The following ROBO1 variants were observed in gnomAD, a reference collection of about 807,000 sequenced individuals.
The protein encoded by ROBO1 is roundabout homolog 1.
A neutral mutation model predicts 195.9 loss-of-function variants in ROBO1; 149 were observed. The observed-to-expected ratio is 0.76, with a 90% CI of 0.67 to 0.87. The LOEUF is 0.87. ROBO1 is among the 40% of genes least tolerant of loss of function. The pLI is 0.00. For missense variants in ROBO1, 1,933 were observed against 2,068.3 expected (o/e 0.93, Z 1.27); for synonymous variants, 816 against 733.2 (o/e 1.11, Z -1.82).
At chr3:79,703,023 A>G (rs1947663581) in intron 1 of ROBO1, among the ~76,000 whole-genome samples, 1 of 151,914 alleles carries the variant, frequency 6.6e-6, no homozygotes, top group Non-Finnish European at 1.5e-5. Context: ...GTTAAGAAGC[A>G]TGTGATTTTA....
chr3:78,914,227 C>A (rs115233039), intron 4 of ROBO1, among the ~76,000 whole-genome samples: 1 of 151,988 alleles, frequency 6.6e-6, no homozygotes, highest in Non-Finnish European at 1.5e-5. Context: ...TTACATTATT[C>A]AAATCTCTTC....
At chr3:79,533,162 G>T (rs928462026) in intron 2 of ROBO1, 5 of 412,412 alleles carry the variant, frequency 1.2e-5, no homozygotes, top group African/African-American at 8.4e-5. Context: ...CTGCAGAAAA[G>T]GGAAGGGAAT....
chr3:79,697,780 TAA>T, intron 1 of ROBO1, among the ~76,000 whole-genome samples: 1 of 151,454 alleles, frequency 6.6e-6, no homozygotes, highest in Non-Finnish European at 1.5e-5. Context: ...ATAAGCATAA[TAA>T]GTTAGCATTT....
intron 2 of ROBO1, among the ~76,000 whole-genome samples, chr3:79,229,761 G>A (rs1301241435): frequency 6.6e-6 from 1 of 152,006 alleles, no homozygotes; most frequent in Non-Finnish European, 1.5e-5. Context: ...TGATAAAAAT[G>A]AGATGAAAAT....
intron 4 of ROBO1, among the ~76,000 whole-genome samples, chr3:78,869,683 T>G (rs1005608823): frequency 2.6e-5 from 4 of 152,036 alleles, no homozygotes; most frequent in Admixed American, 2.6e-4. Context: ...GGTGTCAAAC[T>G]CCTAGGCTCC....
intron 2 of ROBO1, among the ~76,000 whole-genome samples, chr3:79,492,444 AAAG>A (rs1265217327): frequency 6.6e-5 from 10 of 151,204 alleles, no homozygotes; most frequent in African/African-American, 2.2e-4. Context: ...AAAAAAAAAA[AAAG>A]AGACTGTAGA....
intron 1 of ROBO1, among the ~76,000 whole-genome samples, chr3:79,683,322 CAT>C (rs1286999127): frequency 1.3e-5 from 2 of 152,002 alleles, no homozygotes. Flanking sequence ...TAACTCTAAA[CAT>C]GTGTTTGATT....
intron 10 of ROBO1, among the ~76,000 whole-genome samples, chr3:78,679,801 T>C (rs1235435038): frequency 6.6e-6 from 1 of 152,144 alleles, no homozygotes; most frequent in Non-Finnish European, 1.5e-5. Context: ...AAGCTACCAA[T>C]GACTTTCCTC....
chr3:78,627,207 G>C, intron 26 of ROBO1, 114 bp downstream of exon 26: 1 of 1,151,542 alleles, frequency 8.7e-7, no homozygotes, highest in Non-Finnish European at 1.2e-6. Context: ...GGATGATACT[G>C]CCAGAAAAGG....
intron 8 of ROBO1, among the ~76,000 whole-genome samples, chr3:78,700,407 A>G (rs985579009): frequency 3.9e-5 from 6 of 152,202 alleles, no homozygotes; most frequent in African/African-American, 1.2e-4. Flanking sequence ...CTATCTTTAA[A>G]TGGCATATTT....
intron 4 of ROBO1, among the ~76,000 whole-genome samples, chr3:78,891,254 A>T (rs1201364672): frequency 6.6e-6 from 1 of 152,202 alleles, no homozygotes; most frequent in Non-Finnish European, 1.5e-5. Context: ...GTGACTAAAA[A>T]CAATAGGCAA....
At chr3:79,724,248 A>AT in intron 1 of ROBO1, among the ~76,000 whole-genome samples, 1 of 152,230 alleles carries the variant, frequency 6.6e-6, no homozygotes, top group East Asian at 1.9e-4. Context: ...ATTCCTTTAC[A>AT]TTTTTTATTT....
chr3:78,855,203 T>A (rs1440325998), intron 4 of ROBO1, among the ~76,000 whole-genome samples: 2 of 152,154 alleles, frequency 1.3e-5, no homozygotes, highest in Non-Finnish European at 2.9e-5. Flanking sequence ...GCTGATTTCA[T>A]GTTCACCCAG....
chr3:79,489,469 C>A (rs190612050), intron 2 of ROBO1, among the ~76,000 whole-genome samples: 1,901 of 152,038 alleles, frequency 0.013, 26 homozygotes, highest in Middle Eastern at 0.088. Context: ...TCCTGGCCAA[C>A]ATGGTGAAAC....
intron 1 of ROBO1, among the ~76,000 whole-genome samples, chr3:79,612,643 C>T (rs1352147861): frequency 1.4e-5 from 2 of 145,648 alleles, no homozygotes; most frequent in South Asian, 2.3e-4. Context: ...TACAGTCCCA[C>T]CAACAGTGTA....
intron 2 of ROBO1, among the ~76,000 whole-genome samples, chr3:79,332,325 G>A (rs1252520039): frequency 6.6e-6 from 1 of 152,028 alleles, no homozygotes; most frequent in Non-Finnish European, 1.5e-5. Context: ...TAACATTTGT[G>A]TAAAATTTCA....
At position 78,614,805 on chromosome 3, in the gene ROBO1, G is replaced by GA. The variant is rs754429401; in HGVS notation, c.4283-6_4283-5insT. 1.8e-5 allele frequency: 26 copies of GA among 1,478,464 alleles called. 1 individual carries two copies. Among genetic ancestry groups the GA allele is most frequent in the Admixed American group, 1.5e-4 (6 of 40,932 alleles). 91.6% of individuals were successfully genotyped at this position (1,478,464 alleles called of 1,614,324 possible). ...ACGCATGAAAATGTCGACGGCCTAA[G>GA]GAGAAAAAAAAAAAAAATCCAAGCC... On this transcript the variant is annotated splice_region_variant and splice_polypyrimidine_tract_variant and intron_variant, in intron 27 of 30. Coordinates refer to ENST00000464233, the MANE Select transcript of ROBO1 (RefSeq NM_002941.4).
At chr3:79,373,180 C>T (rs1247326121) in intron 2 of ROBO1, among the ~76,000 whole-genome samples, 1 of 152,182 alleles carries the variant, frequency 6.6e-6, no homozygotes, top group Middle Eastern at 3.2e-3. Context: ...ATTTAAAAAT[C>T]TGTTCCATAT....
intron 5 of ROBO1, among the ~76,000 whole-genome samples, chr3:78,726,249 TAATAG>T (rs1214565625): frequency 6.6e-6 from 1 of 152,156 alleles, no homozygotes; most frequent in Non-Finnish European, 1.5e-5. Flanking sequence ...AAACAATGAA[TAATAG>T]AATATTGATT....
Sources: allele counts gnomAD v4.1 joint callset (sites outside exome capture counted in the v4.1 genomes callset), GRCh38; gene constraint gnomAD v4.1.1; transcripts MANE v1.5; gene names NCBI Gene and HGNC (gene_info 2026-07-23, HGNC 2026-07-21).